NHSL1: variants seen among roughly 807,000 people sequenced by gnomAD.
NHSL1 encodes NHS like 1.
Under a neutral mutation model 95.0 loss-of-function variants are expected in NHSL1, and 48 were observed. That is an observed-to-expected ratio of 0.51 (90% CI 0.40 to 0.64). The LOEUF is 0.64. NHSL1 is among the 30% of genes least tolerant of loss of function. The pLI is 0.00. For synonymous variants in NHSL1, 783 were observed against 833.9 expected (o/e 0.94, Z 1.05); for missense variants, 1,971 against 2,077.7 (o/e 0.95, Z 1.00).
chr6:138,681,671 A>G (rs911384856), intron 1 of NHSL1, among the ~76,000 whole-genome samples: 2 of 152,230 alleles, frequency 1.3e-5, no homozygotes, highest in Non-Finnish European at 2.9e-5. Flanking sequence ...ATAATCAGGT[A>G]TAATTGGATT....
chr6:138,571,508 G>T (rs1414014492), intron 1 of NHSL1: 2 of 573,126 alleles, frequency 3.5e-6, no homozygotes, highest in Non-Finnish European at 6.1e-6. Flanking sequence ...TTCTTTGAAT[G>T]ATACAAGATA....
chr6:138,613,681 G>T (rs530576840), intron 1 of NHSL1, among the ~76,000 whole-genome samples: 158 of 152,282 alleles, frequency 1.0e-3, no homozygotes, highest in African/African-American at 3.3e-3. Flanking sequence ...GACTGCCACT[G>T]CCTCCAGGTG....
At chr6:138,487,818 C>T (rs1008212069) in intron 2 of NHSL1, among the ~76,000 whole-genome samples, 1 of 152,274 alleles carries the variant, frequency 6.6e-6, no homozygotes, top group African/African-American at 2.4e-5. Context: ...AGTGCTACTG[C>T]GGTTTTGCGA....
intron 2 of NHSL1, among the ~76,000 whole-genome samples, chr6:138,489,867 AGAGAGG>A (rs1405754814): frequency 4.9e-4 from 33 of 67,718 alleles, no homozygotes; most frequent in South Asian, 8.6e-4. Context: ...AGAGAGAGAG[AGAGAGG>A]GAGAGAGGGA....
intron 1 of NHSL1, among the ~76,000 whole-genome samples, chr6:138,619,118 A>G (rs948037640): frequency 1.3e-5 from 2 of 152,166 alleles, no homozygotes; most frequent in Admixed American, 6.5e-5. Flanking sequence ...CAGGTGGATC[A>G]CCTGAGGTCA....
chr6:138,586,963 C>T (rs1436587200), intron 1 of NHSL1, among the ~76,000 whole-genome samples: 1 of 151,740 alleles, frequency 6.6e-6, no homozygotes, highest in Non-Finnish European at 1.5e-5. Flanking sequence ...TGAGTTTTCT[C>T]GTTGGGCGCG....
intron 1 of NHSL1, among the ~76,000 whole-genome samples, chr6:138,653,619 T>C (rs995554036): frequency 2.6e-5 from 4 of 152,152 alleles, no homozygotes; most frequent in Admixed American, 2.6e-4. Context: ...TGGCAACTTA[T>C]TTTGTGAAAT....
intron 1 of NHSL1, among the ~76,000 whole-genome samples, chr6:138,598,293 T>C (rs889470638): frequency 6.6e-6 from 1 of 152,022 alleles, no homozygotes; most frequent in Admixed American, 6.6e-5. Context: ...ACCCTGTCTC[T>C]ACAAAAATAC....
chr6:138,457,079 C>T (rs942323862), intron 3 of NHSL1, among the ~76,000 whole-genome samples: 2 of 152,068 alleles, frequency 1.3e-5, no homozygotes, highest in African/African-American at 2.4e-5. Flanking sequence ...CAGGGTTTCA[C>T]CATGTTGGCC....
intron 1 of NHSL1, among the ~76,000 whole-genome samples, chr6:138,673,018 GCTA>G (rs1785396359): frequency 1.8e-5 from 2 of 110,516 alleles, no homozygotes; most frequent in African/African-American, 7.0e-5. Flanking sequence ...CTCATAGATA[GCTA>G]GATAGATAGG....
intron 1 of NHSL1, chr6:138,571,539 G>A: frequency 4.8e-6 from 3 of 629,594 alleles, no homozygotes; most frequent in Admixed American, 5.9e-5. Flanking sequence ...CTGAGGAAGA[G>A]CATTTTTATT....
chr6:138,646,732 T>A (rs150351374), intron 1 of NHSL1, among the ~76,000 whole-genome samples: 38 of 152,302 alleles, frequency 2.5e-4, no homozygotes, highest in Middle Eastern at 6.8e-3. Context: ...CTTACAAATG[T>A]GAGGGTCTGT....
At chr6:138,606,243 C>T (rs1784432127) in intron 1 of NHSL1, among the ~76,000 whole-genome samples, 1 of 152,180 alleles carries the variant, frequency 6.6e-6, no homozygotes, top group South Asian at 2.1e-4. Flanking sequence ...TTCTTGCAAC[C>T]AAAATACTTC....
In NHSL1 at chr6:138,422,117, AAT is replaced by A. The variant is rs1352269921; in HGVS notation, c.*1962_*1963del. ...TTTTCATTAAAAATGGGGATTTAAA[AAT>A]AGTTTTATAATTAGTGTTATGTTGC... On this transcript the variant is annotated 3_prime_UTR_variant, in exon 8 of 8. Transcript: ENST00000343505. 17 of 152,362 alleles carry A rather than the reference AAT, an allele frequency of 1.1e-4. No individual in the cohort carries two copies. The highest frequency in any genetic ancestry group is 4.1e-4 in the African/African-American group (17 of 41,594). 9.4% of individuals were successfully genotyped at this position (152,362 alleles called of 1,614,324 possible).
intron 3 of NHSL1, among the ~76,000 whole-genome samples, chr6:138,455,996 A>C (rs768036356): frequency 6.6e-6 from 1 of 152,206 alleles, no homozygotes; most frequent in Non-Finnish European, 1.5e-5. Flanking sequence ...AACAATACTT[A>C]TCATCATCAT....
At chr6:138,631,261 C>CTTAA (rs748874609) in intron 1 of NHSL1, among the ~76,000 whole-genome samples, 2 of 152,158 alleles carry the variant, frequency 1.3e-5, no homozygotes, top group African/African-American at 2.4e-5. Flanking sequence ...CTCTGGGGCT[C>CTTAA]ACCATAAACG....
chr6:138,676,224 A>G (rs1583477089), intron 1 of NHSL1, among the ~76,000 whole-genome samples: 1 of 152,176 alleles, frequency 6.6e-6, no homozygotes, highest in Non-Finnish European at 1.5e-5. Context: ...GAATATCGTG[A>G]TATCAAAAAA....
intron 1 of NHSL1, among the ~76,000 whole-genome samples, chr6:138,654,762 A>C (rs181041177): frequency 1.3e-5 from 2 of 152,330 alleles, no homozygotes; most frequent in African/African-American, 4.8e-5. Flanking sequence ...CAAAACAAAA[A>C]AAACACTATT....
chr6:138,473,502 G>T, intron 2 of NHSL1, 69 bp from the exon 3 acceptor site: 4 of 1,306,344 alleles, frequency 3.1e-6, no homozygotes, highest in South Asian at 2.7e-5. Context: ...CTTACTTTAC[G>T]TTTACTCCTC....
Sources: gnomAD v4.1 joint callset for allele counts (sites outside exome capture counted in the v4.1 genomes callset) on GRCh38, gnomAD v4.1.1 for gene constraint, MANE v1.5 for transcripts, NCBI Gene and HGNC (gene_info 2026-07-23, HGNC 2026-07-21) for gene names.